Variants in BRCA2 observed in about 807,000 individuals in gnomAD.
BRCA2 encodes the protein breast cancer type 2 susceptibility protein.
In BRCA2, 203 loss-of-function variants were observed where a neutral mutation model predicts 276.7. The ratio of observed to expected loss-of-function variants is 0.73; its 90% CI spans 0.65 to 0.82. The LOEUF (loss-of-function observed/expected upper bound fraction) is 0.82, where lower values mean the gene tolerates loss of function less well. Ranked by LOEUF, BRCA2 falls within the 40% of genes least tolerant of loss-of-function variation. The pLI is 0.00. For missense variants in BRCA2, 3,920 were observed against 3,915.0 expected (o/e 1.00, Z -0.03); for synonymous variants, 1,289 against 1,338.4 (o/e 0.96, Z 0.81).
rs1254202550 is a variant in BRCA2 at position 32,398,159 on chromosome 13, C to T, written c.9649-3C>T. 6 of 1,603,746 alleles carry T rather than the reference C, an allele frequency of 3.7e-6. No homozygotes were observed. In the South Asian group the frequency reaches 6.7e-5, roughly 18 times the overall value. On this transcript the variant is annotated splice_polypyrimidine_tract_variant and splice_region_variant and intron_variant, in intron 26 of 26. Coordinates refer to ENST00000380152, the MANE Select transcript of BRCA2 (RefSeq NM_000059.4). ...ATAGGCTACGTTTTCATTTTTTTATCAGATGTCTTCTCCTAATTGTGAGAT... is the reference window on the plus strand; with the variant it reads ...ATAGGCTACGTTTTCATTTTTTTATTAGATGTCTTCTCCTAATTGTGAGAT...
At chr13:32,388,579 G>T (rs1042362710) in intron 24 of BRCA2, among the ~76,000 whole-genome samples, 1 of 151,636 alleles carries the variant, frequency 6.6e-6, no homozygotes, top group Admixed American at 6.6e-5. Flanking sequence ...TTGCTCAACT[G>T]TAGGCTAATA....
chr13:32,371,416 A>G (rs1270793687), intron 20 of BRCA2, among the ~76,000 whole-genome samples: 5 of 152,104 alleles, frequency 3.3e-5, no homozygotes, highest in Non-Finnish European at 7.4e-5. Context: ...TGTGGTGTCA[A>G]TTTTAATATT....
intron 24 of BRCA2, among the ~76,000 whole-genome samples, chr13:32,390,014 C>T (rs549121158): frequency 1.3e-5 from 2 of 152,180 alleles, no homozygotes; most frequent in Non-Finnish European, 2.9e-5. Flanking sequence ...TCTTAATCAC[C>T]AGATTTTAAA....
chr13:32,326,734 TGTTA>T (rs2072352807), intron 7 of BRCA2, 121 bp downstream of exon 7: 1 of 712,642 alleles, frequency 1.4e-6, no homozygotes, highest in Admixed American at 2.9e-5. Flanking sequence ...TTGATAAGTG[TGTTA>T]GTAACTGACA....
intron 18 of BRCA2, among the ~76,000 whole-genome samples, chr13:32,365,775 A>G (rs192356736): frequency 8.0e-6 from 1 of 125,766 alleles, no homozygotes; most frequent in Non-Finnish European, 1.6e-5. Flanking sequence ...CTTGGCCCAG[A>G]TGCTTACTGG....
chr13:32,379,014 A>G (rs2072892764), intron 21 of BRCA2, among the ~76,000 whole-genome samples: 1 of 152,202 alleles, frequency 6.6e-6, no homozygotes, highest in Non-Finnish European at 1.5e-5. Flanking sequence ...TACATTTACT[A>G]CACATAGATC....
In BRCA2 at chr13:32,330,892, A is replaced by C; in HGVS notation, c.682-27A>C. ...TATGTGCATTGAGAGTTTTTATACT[A>C]GTGATTTTAAACTATAATTTTTGCA... On this transcript the variant is annotated intron_variant, in intron 8 of 26. Coordinates refer to ENST00000380152, the MANE Select transcript of BRCA2 (RefSeq NM_000059.4). The C allele has an allele frequency of 7.3e-7, 1 of 1,372,308 alleles. No homozygotes were observed. Among genetic ancestry groups the C allele is most frequent in the South Asian group, 1.2e-5 (1 of 84,186 alleles). 85.0% of individuals were successfully genotyped at this position (1,372,308 alleles called of 1,614,324 possible).
At chr13:32,365,721 C>CTTTTTTTTTTTTTTTTTTTTTATTTT (rs1555287282) in intron 18 of BRCA2, among the ~76,000 whole-genome samples, 1 of 105,882 alleles carries the variant, frequency 9.4e-6, no homozygotes, top group African/African-American at 3.6e-5. Flanking sequence ...ACTTTGGTGT[C>CTTTTTTTTTTTTTTTTTTTTTATTTT]TTTTTTTTTT....
At chr13:32,317,250 A>G (rs1314459438) in intron 2 of BRCA2, among the ~76,000 whole-genome samples, 1 of 152,200 alleles carries the variant, frequency 6.6e-6, no homozygotes, top group East Asian at 1.9e-4. Context: ...TTTACTTAAA[A>G]ATAATGAAAG....
chr13:32,317,503 T>C (rs2072271717), intron 2 of BRCA2, among the ~76,000 whole-genome samples: 1 of 152,234 alleles, frequency 6.6e-6, no homozygotes, highest in Non-Finnish European at 1.5e-5. Context: ...TTCCTTGTAC[T>C]TTGCATAGAT....
intron 3 of BRCA2, among the ~76,000 whole-genome samples, chr13:32,322,927 T>C (rs1190116746): frequency 6.6e-6 from 1 of 152,254 alleles, no homozygotes; most frequent in Non-Finnish European, 1.5e-5. Flanking sequence ...CTCATTTTGG[T>C]TCACACCAAA....
At chr13:32,347,106 C>G (rs1593913482) in intron 13 of BRCA2, among the ~76,000 whole-genome samples, 1 of 151,958 alleles carries the variant, frequency 6.6e-6, no homozygotes, top group Admixed American at 6.6e-5. Flanking sequence ...GTAAAGTAGA[C>G]AGATTTTATT....
rs11571751 is a variant in BRCA2 at position 32,371,842 on chromosome 13, A to T, written c.8632+742A>T. Among the ~76,000 whole-genome samples, 1,104 of 152,382 alleles carry T rather than the reference A, an allele frequency of 7.2e-3. 13 individuals carry two copies. The highest frequency in any genetic ancestry group is 0.025 in the African/African-American group (1,049 of 41,596). ...CATACAAAAGTAATGTTTACACTATAGCATAATCTCTTAAATGTGTAGTAG... is the reference window on the plus strand; with the variant it reads ...CATACAAAAGTAATGTTTACACTATTGCATAATCTCTTAAATGTGTAGTAG... On this transcript the variant is annotated intron_variant, in intron 20 of 26. Transcript: ENST00000380152.
chr13:32,376,563 T>G, intron 20 of BRCA2, 107 bp from the exon 21 acceptor site: 1 of 1,285,734 alleles, frequency 7.8e-7, no homozygotes, highest in African/African-American at 1.5e-5. Flanking sequence ...TTATATAGTT[T>G]CTTATCTTTA....
chr13:32,361,240 A>G (rs2072735759), intron 16 of BRCA2, among the ~76,000 whole-genome samples: 1 of 152,244 alleles, frequency 6.6e-6, no homozygotes, highest in Admixed American at 6.5e-5. Context: ...AGGGAATAGA[A>G]AATGACCAGC....
intron 15 of BRCA2, among the ~76,000 whole-genome samples, chr13:32,356,830 T>G (rs2137564417): frequency 6.6e-6 from 1 of 152,382 alleles, no homozygotes; most frequent in Middle Eastern, 3.4e-3. Context: ...AAATTACTAC[T>G]TCTTTTCCCC....
intron 3 of BRCA2, 42 bp downstream of exon 3, chr13:32,319,367 A>G (rs1333732281): frequency 1.3e-6 from 2 of 1,556,112 alleles, no homozygotes; most frequent in Middle Eastern, 1.7e-4. Flanking sequence ...ACTACAAACT[A>G]GGAATTTAGG....
At chr13:32,336,130 T>G (rs2072445804) in intron 10 of BRCA2, 135 bp from the exon 11 acceptor site, 5 of 970,522 alleles carry the variant, frequency 5.2e-6, no homozygotes, top group Non-Finnish European at 7.5e-6. Context: ...TCTTCCTGCC[T>G]CAGCCTCCCA....
At chr13:32,345,117 C>T (rs2072602348) in intron 12 of BRCA2, among the ~76,000 whole-genome samples, 1 of 152,022 alleles carries the variant, frequency 6.6e-6, no homozygotes, top group Admixed American at 6.6e-5. Context: ...TTTTCCCCGG[C>T]AATAAGTATT....
Sources: gnomAD v4.1 joint callset for allele counts (sites outside exome capture counted in the v4.1 genomes callset) on GRCh38, gnomAD v4.1.1 for gene constraint, MANE v1.5 for transcripts, NCBI Gene and HGNC (gene_info 2026-07-23, HGNC 2026-07-21) for gene names.